The following ANO3 variants were observed in gnomAD, a reference collection of about 807,000 sequenced individuals.
ANO3 encodes anoctamin-3.
In ANO3, 99 loss-of-function variants were observed where a neutral mutation model predicts 144.8. The observed-to-expected ratio is 0.68, with a 90% CI of 0.58 to 0.81. The LOEUF is 0.81. ANO3 is among the 30% of genes least tolerant of loss of function. ANO3 has a pLI of 0.00. For missense variants in ANO3, 905 were observed against 1,202.2 expected (o/e 0.75, Z 3.66); for synonymous variants, 414 against 392.6 (o/e 1.05, Z -0.64).
chr11:26,287,321 T>C (rs372691878), intron 1 of ANO3: 1 of 152,354 alleles, frequency 6.6e-6, no homozygotes, highest in South Asian at 2.1e-4. Context: ...ATGTATTGAA[T>C]GCTTACCATG....
intron 1 of ANO3, among the ~76,000 whole-genome samples, chr11:26,392,593 A>G (rs1856911400): frequency 6.6e-6 from 1 of 152,138 alleles, no homozygotes; most frequent in Admixed American, 6.6e-5. Context: ...GAGACCTGAC[A>G]GACACATTTA....
Position 26,516,836 on chromosome 11 carries a change from G to A in ANO3, c.601G>A (p.Ala201Thr). The change falls in exon 6 of 27, where the codon GCA (alanine) becomes ACA (threonine). Residue 201 changes from alanine to threonine, a missense_variant. Physicochemically the swap from Ala to Thr is moderately conservative, Grantham distance 58. Transcript: ENST00000256737. The stretch of plus-strand genomic sequence containing the variant: ...TTACTATCATTTGCAGCCAGCTATT[G>A]CAAGCCCCGATATCATGTTTATTAA... ...GLMLEKEPAIASPDIMFIKIH... is the reference protein window; with the variant it reads ...GLMLEKEPAITSPDIMFIKIH... 6.2e-7 allele frequency: 1 copy of A among 1,609,450 alleles called. No homozygotes were observed. The highest frequency in any genetic ancestry group is 8.5e-7 in the Non-Finnish European group (1 of 1,176,798).
At chr11:26,290,865 G>A (rs997727414) in intron 1 of ANO3, among the ~76,000 whole-genome samples, 2 of 152,208 alleles carry the variant, frequency 1.3e-5, no homozygotes, top group African/African-American at 2.4e-5. Flanking sequence ...GCAATGTGGT[G>A]CTGAGAAGAA....
In ANO3 at chr11:26,542,031, G is replaced by A. The variant is rs1242155669; in HGVS notation, c.1117G>A (p.Gly373Arg). ...HLLYERWARW[G>R]MWYKHQPLDL... is the part of the protein sequence containing the mutation. ...ATTATATGAGCGCTGGGCACGCTGG[G>A]GAATGTGGTATAAGCATCAGCCTCT... is the stretch of plus-strand genomic sequence containing the variant. Residue 373 changes from glycine (G) to arginine (R), a missense_variant, in exon 11 of 27, where the codon GGA becomes AGA. Physicochemically the swap from Gly to Arg is moderately radical, Grantham distance 125 (BLOSUM62 -2). Around this residue, in one of 4 missense-constraint regions of ANO3, gnomAD observed 597 missense variants for 865.1 expected, o/e 0.69. Coordinates refer to ENST00000256737, the MANE Select transcript of ANO3 (RefSeq NM_031418.4). 6.2e-7 allele frequency: 1 copy of A among 1,612,580 alleles called. No homozygotes were observed. The highest frequency in any genetic ancestry group is 8.5e-7 in the Non-Finnish European group (1 of 1,179,054).
At chr11:26,532,149 C>T (rs1247519215) in intron 8 of ANO3, among the ~76,000 whole-genome samples, 1 of 152,188 alleles carries the variant, frequency 6.6e-6, no homozygotes, top group African/African-American at 2.4e-5. Context: ...GACCACCAAA[C>T]ATGTAACATA....
rs1329642454 is a variant in ANO3, at chr11:26,360,146, A to G, written c.46+27825A>G. 1.7e-4 allele frequency among the ~76,000 whole-genome samples: 2 copies of G among 11,710 alleles called. 1 individual carries two copies. The highest frequency in any genetic ancestry group is 7.0e-4 in the African/African-American group (2 of 2,838). The allele number at this position is 11,710 out of a possible 152,430, so 7.7% of individuals were successfully genotyped here. A position where few individuals can be genotyped will look rare whatever the true frequency, so the allele number is the denominator to read the frequency against. On this transcript the variant is annotated intron_variant, in intron 1 of 26. Coordinates refer to ENST00000256737, the MANE Select transcript of ANO3 (RefSeq NM_031418.4). ...TTCATTGACATTTTTTCCTTTTTATAAGTTTTTTTTTCTTCACTGCTTCCC... is the reference window on the plus strand; with the variant it reads ...TTCATTGACATTTTTTCCTTTTTATGAGTTTTTTTTTCTTCACTGCTTCCC...
intron 23 of ANO3, among the ~76,000 whole-genome samples, chr11:26,643,925 G>A (rs1853255077): frequency 6.6e-6 from 1 of 152,150 alleles, no homozygotes; most frequent in Non-Finnish European, 1.5e-5. Context: ...ACAGCAGCAA[G>A]GTGCCATTTT....
intron 1 of ANO3, among the ~76,000 whole-genome samples, chr11:26,378,620 AT>A (rs1856483890): frequency 6.6e-6 from 1 of 152,032 alleles, no homozygotes; most frequent in African/African-American, 2.4e-5. Flanking sequence ...TAAAAAATGC[AT>A]TGTTGTTAGC....
intron 1 of ANO3, among the ~76,000 whole-genome samples, chr11:26,228,276 A>T (rs1489993410): frequency 6.6e-6 from 1 of 152,236 alleles, no homozygotes; most frequent in Non-Finnish European, 1.5e-5. Context: ...CAAACACATG[A>T]GCTAGTACAA....
intron 24 of ANO3, among the ~76,000 whole-genome samples, chr11:26,655,611 A>G (rs1010758714): frequency 8.6e-5 from 13 of 151,798 alleles, no homozygotes; most frequent in Non-Finnish European, 1.3e-4. Flanking sequence ...CCCCTCTCCC[A>G]CCCTGCTAGA....
chr11:26,268,916 GA>G (rs113978297), intron 1 of ANO3, among the ~76,000 whole-genome samples: 5 of 150,718 alleles, frequency 3.3e-5, no homozygotes, highest in Non-Finnish European at 4.4e-5. Context: ...GCACCTCAAG[GA>G]AAAAAAAATC....
intron 1 of ANO3, among the ~76,000 whole-genome samples, chr11:26,412,183 A>G (rs1188579968): frequency 6.6e-6 from 1 of 152,026 alleles, no homozygotes; most frequent in Non-Finnish European, 1.5e-5. Context: ...ATATGAATTC[A>G]ACTATTTATA....
intron 17 of ANO3, among the ~76,000 whole-genome samples, chr11:26,623,142 A>C (rs1852469768): frequency 6.6e-6 from 1 of 152,184 alleles, no homozygotes. Flanking sequence ...CTAGGAAGAG[A>C]ATGAGAGTAC....
At chr11:26,618,768 G>A (rs901154042) in intron 17 of ANO3, among the ~76,000 whole-genome samples, 2 of 152,010 alleles carry the variant, frequency 1.3e-5, no homozygotes, top group Non-Finnish European at 2.9e-5. Flanking sequence ...TTATACCCCT[G>A]TCTCTTTCTC....
At chr11:26,289,115 C>T (rs996073273) in intron 1 of ANO3, among the ~76,000 whole-genome samples, 2 of 152,030 alleles carry the variant, frequency 1.3e-5, no homozygotes, top group African/African-American at 4.8e-5. Context: ...ATAGATTTTA[C>T]TTTCTTCACA....
At chr11:26,618,453 G>C (rs1197257059) in intron 17 of ANO3, among the ~76,000 whole-genome samples, 1 of 152,070 alleles carries the variant, frequency 6.6e-6, no homozygotes, top group East Asian at 1.9e-4. Flanking sequence ...CAGGCTTCCT[G>C]CTGGTTGGTC....
intron 1 of ANO3, among the ~76,000 whole-genome samples, chr11:26,214,983 G>A (rs563132183): frequency 5.5e-4 from 83 of 151,928 alleles, no homozygotes; most frequent in Non-Finnish European, 8.4e-4. Flanking sequence ...TTTAGACCAG[G>A]ATTATGTATT....
At chr11:26,571,992 G>T in intron 14 of ANO3, 2 of 682,284 alleles carry the variant, frequency 2.9e-6, no homozygotes, top group Non-Finnish European at 3.6e-6. Flanking sequence ...AGAGAGTAGA[G>T]AGTGAAAGAG....
intron 1 of ANO3, among the ~76,000 whole-genome samples, chr11:26,319,948 G>T (rs1318193759): frequency 6.6e-6 from 1 of 152,156 alleles, no homozygotes; most frequent in African/African-American, 2.4e-5. Context: ...TTACCCAGTT[G>T]TAAGATTTGT....
Sources: gnomAD v4.1 joint callset for allele counts (sites outside exome capture counted in the v4.1 genomes callset) on GRCh38, gnomAD v4.1.1 for gene constraint, gnomAD v4.1.1 regional missense constraint, MANE v1.5 for transcripts, NCBI Gene and HGNC (gene_info 2026-07-23, HGNC 2026-07-21) for gene names.